NFIB: variants seen among roughly 807,000 people sequenced by gnomAD.
The protein encoded by NFIB is nuclear factor 1 B-type.
Under a neutral mutation model 61.5 loss-of-function variants are expected in NFIB, and 11 were observed. The ratio of observed to expected loss-of-function variants is 0.18; its 90% CI spans 0.11 to 0.30. The LOEUF is 0.30. NFIB is among the 10% of genes least tolerant of loss of function. NFIB has a pLI of 1.00. For synonymous variants in NFIB, 260 were observed against 216.5 expected (o/e 1.20, Z -1.76); for missense variants, 471 against 608.9 (o/e 0.77, Z 2.38).
rs2061681296 is a variant in NFIB, at chr9:14,395,955, CAG to C, written c.108+2567_108+2568del. Among the ~76,000 whole-genome samples the C allele has an allele frequency of 3.3e-5, 5 of 151,994 alleles. No homozygotes were observed. In the South Asian group the frequency reaches 1.0e-3, roughly 32 times the overall value. Reference sequence around the variant, plus strand: ...TTTTCTATCAGGGCACTGCAGCTGTCAGTGTTGGCTGCGGAAGCCAGTGATTG... The same window carrying C: ...TTTTCTATCAGGGCACTGCAGCTGTCTGTTGGCTGCGGAAGCCAGTGATTG... On this transcript the variant is annotated intron_variant, in intron 1 of 8. Transcript: ENST00000380934.
intron 4 of NFIB, among the ~76,000 whole-genome samples, chr9:14,154,089 C>T (rs895378912): frequency 6.6e-6 from 1 of 152,048 alleles, no homozygotes; most frequent in African/African-American, 2.4e-5. Context: ...TGGTTTTGAA[C>T]TGTTCTAGAA....
At chr9:14,404,004 A>C in the NFIB span, among the ~76,000 whole-genome samples, 7 of 152,232 alleles carry the variant, frequency 4.6e-5, no homozygotes, top group Non-Finnish European at 1.0e-4. Flanking sequence ...ATTTCAGTAT[A>C]TCCTTCTGAA....
At chr9:14,324,891 GA>G (rs2060735089) in intron 1 of NFIB, among the ~76,000 whole-genome samples, 2 of 152,114 alleles carry the variant, frequency 1.3e-5, no homozygotes, top group African/African-American at 4.8e-5. Flanking sequence ...AAAATAGGGA[GA>G]CTGATTTTCA....
At chr9:14,181,451 C>T (rs890920093) in intron 2 of NFIB, among the ~76,000 whole-genome samples, 2 of 152,138 alleles carry the variant, frequency 1.3e-5, no homozygotes, top group African/African-American at 4.8e-5. Context: ...CCATGAAGTC[C>T]TCTTATTACT....
intron 10 of NFIB, among the ~76,000 whole-genome samples, chr9:14,104,950 C>T (rs967633487): frequency 1.3e-5 from 2 of 152,050 alleles, no homozygotes; most frequent in African/African-American, 4.8e-5. Flanking sequence ...AAATAATATG[C>T]TTTCACAAAG....
At chr9:14,274,860 G>A (rs972982459) in intron 2 of NFIB, among the ~76,000 whole-genome samples, 2 of 152,128 alleles carry the variant, frequency 1.3e-5, no homozygotes, top group Non-Finnish European at 2.9e-5. Flanking sequence ...GAGAAGAGGT[G>A]GTGGAGTTCT....
At chr9:14,231,308 G>A (rs2053168743) in intron 2 of NFIB, among the ~76,000 whole-genome samples, 1 of 151,618 alleles carries the variant, frequency 6.6e-6, no homozygotes, top group Non-Finnish European at 1.5e-5. Flanking sequence ...GACAGAGAGA[G>A]GGAGAGAGAC....
chr9:14,485,674 A>G, the NFIB span, among the ~76,000 whole-genome samples: 1 of 152,190 alleles, frequency 6.6e-6, no homozygotes, highest in African/African-American at 2.4e-5. Context: ...CAGGAGTTCG[A>G]GACCAGCTTG....
At chr9:14,102,616 T>C in intron 10 of NFIB, 1 of 742,306 alleles carries the variant, frequency 1.3e-6, no homozygotes, top group Non-Finnish European at 1.9e-6. Context: ...TTAACCTTAC[T>C]TTCCCAAGAG....
chr9:14,309,368 G>A (rs956210216), intron 1 of NFIB, among the ~76,000 whole-genome samples: 1 of 152,162 alleles, frequency 6.6e-6, no homozygotes, highest in East Asian at 1.9e-4. Flanking sequence ...CAATAATGTA[G>A]TTATCAAGTG....
At chr9:14,201,927 A>G (rs1486151037) in intron 2 of NFIB, among the ~76,000 whole-genome samples, 1 of 152,140 alleles carries the variant, frequency 6.6e-6, no homozygotes, top group Admixed American at 6.5e-5. Context: ...GAACACCTAC[A>G]GTGGTCCATG....
chr9:14,262,111 T>C (rs2056814096), intron 2 of NFIB, among the ~76,000 whole-genome samples: 1 of 152,144 alleles, frequency 6.6e-6, no homozygotes, highest in Non-Finnish European at 1.5e-5. Context: ...TAAGATGCAC[T>C]GCACCGGCCC....
At chr9:14,176,007 A>G (rs1242322108) in intron 3 of NFIB, among the ~76,000 whole-genome samples, 1 of 152,232 alleles carries the variant, frequency 6.6e-6, no homozygotes, top group African/African-American at 2.4e-5. Flanking sequence ...GAAATCTTAA[A>G]GATCATAGTC....
chr9:14,505,707 G>A, the NFIB span, among the ~76,000 whole-genome samples: 1 of 152,110 alleles, frequency 6.6e-6, no homozygotes, highest in African/African-American at 2.4e-5. Flanking sequence ...ATTGGGGAGG[G>A]GGAACAGAGA....
At chr9:14,174,583 T>C (rs1202293689) in intron 3 of NFIB, among the ~76,000 whole-genome samples, 1 of 151,900 alleles carries the variant, frequency 6.6e-6, no homozygotes, top group Non-Finnish European at 1.5e-5. Flanking sequence ...CTGGCCAACA[T>C]GGTGAAACCC....
chr9:14,519,170 A>G, the NFIB span, among the ~76,000 whole-genome samples: 5 of 152,292 alleles, frequency 3.3e-5, no homozygotes, highest in East Asian at 7.7e-4. Context: ...TCCAAGCACT[A>G]ACAATGGGCT....
At chr9:14,179,476 A>G (rs1334034600) in intron 3 of NFIB, among the ~76,000 whole-genome samples, 1 of 152,230 alleles carries the variant, frequency 6.6e-6, no homozygotes, top group Non-Finnish European at 1.5e-5. Context: ...CACAACTAAA[A>G]TATATGCGTA....
the NFIB span, among the ~76,000 whole-genome samples, chr9:14,506,014 T>C: frequency 1.3e-5 from 2 of 152,118 alleles, no homozygotes; most frequent in African/African-American, 4.8e-5. Context: ...AAAGAGGTAA[T>C]AAAACATATG....
intron 10 of NFIB, among the ~76,000 whole-genome samples, chr9:14,105,890 G>C (rs902315510): frequency 9.2e-5 from 14 of 152,080 alleles, no homozygotes; most frequent in African/African-American, 2.9e-4. Flanking sequence ...TAACATAATA[G>C]GTGATAATCT....
Sources: gnomAD v4.1 joint callset for allele counts (sites outside exome capture counted in the v4.1 genomes callset) on GRCh38, gnomAD v4.1.1 for gene constraint, MANE v1.5 for transcripts, NCBI Gene and HGNC (gene_info 2026-07-23, HGNC 2026-07-21) for gene names.